Variants in MAST4 observed in about 807,000 individuals in gnomAD.
The protein encoded by MAST4 is microtubule associated serine/threonine kinase family member 4.
In MAST4, 89 loss-of-function variants were observed where a neutral mutation model predicts 162.7. The ratio of observed to expected loss-of-function variants is 0.55; its 90% confidence interval spans 0.46 to 0.65. The LOEUF is 0.65. Ranked by LOEUF, MAST4 falls within the 30% of genes least tolerant of loss-of-function variation. MAST4 has a pLI of 0.00. For synonymous variants in MAST4, 1,479 were observed against 1,361.1 expected (o/e 1.09, Z -1.91); for missense variants, 3,153 against 3,374.0 (o/e 0.93, Z 1.62).
At chr5:67,095,729 T>A in intron 7 of MAST4, 54 bp downstream of exon 7, 1 of 1,328,992 alleles carries the variant, frequency 7.5e-7, no homozygotes, top group Non-Finnish European at 1.0e-6. Context: ...ACAGAGCTAT[T>A]ACACAGGCAG....
At chr5:67,095,858 G>T (rs1196382266) in intron 7 of MAST4, among the ~76,000 whole-genome samples, 183 bp downstream of exon 7, 4 of 152,138 alleles carry the variant, frequency 2.6e-5, no homozygotes, top group African/African-American at 9.7e-5. Context: ...TACTTTCGCT[G>T]CAAGCTTTTA....
At chr5:66,840,652 G>T (rs1203725957) in intron 3 of MAST4, among the ~76,000 whole-genome samples, 1 of 152,180 alleles carries the variant, frequency 6.6e-6, no homozygotes, top group Non-Finnish European at 1.5e-5. Flanking sequence ...ATTAGTGGAT[G>T]TATCATGAGC....
intron 4 of MAST4, among the ~76,000 whole-genome samples, chr5:66,967,928 T>C (rs915121924): frequency 6.6e-6 from 1 of 152,136 alleles, no homozygotes; most frequent in Non-Finnish European, 1.5e-5. Flanking sequence ...CTTAATAAAT[T>C]GGCTACCACT....
At chr5:66,691,453 A>G (rs1749032861) in intron 1 of MAST4, among the ~76,000 whole-genome samples, 1 of 152,218 alleles carries the variant, frequency 6.6e-6, no homozygotes, top group South Asian at 2.1e-4. Context: ...ATTACAGTAA[A>G]TAAAACGGCT....
intron 1 of MAST4, among the ~76,000 whole-genome samples, chr5:66,730,749 C>T (rs926040479): frequency 1.6e-5 from 2 of 125,110 alleles, no homozygotes; most frequent in Admixed American, 1.7e-4. Flanking sequence ...TGCCTACCTA[C>T]TCTGTGTGTG....
At chr5:66,789,001 C>G (rs1010910700) in intron 3 of MAST4, among the ~76,000 whole-genome samples, 11 of 152,244 alleles carry the variant, frequency 7.2e-5, no homozygotes, top group African/African-American at 2.4e-4. Flanking sequence ...GGCCTCATCT[C>G]TACCCTTCTC....
At chr5:67,077,439 G>T (rs953609209) in intron 5 of MAST4, among the ~76,000 whole-genome samples, 1 of 152,122 alleles carries the variant, frequency 6.6e-6, no homozygotes, top group Non-Finnish European at 1.5e-5. Flanking sequence ...CCTAAGAAGC[G>T]CCTGGAGTAC....
intron 4 of MAST4, among the ~76,000 whole-genome samples, chr5:66,957,200 G>A (rs893549199): frequency 1.3e-5 from 2 of 152,060 alleles, no homozygotes; most frequent in African/African-American, 2.4e-5. Flanking sequence ...TGTGGATTTC[G>A]CTTTATTTTT....
At chr5:66,701,656 A>C (rs1001527125) in intron 1 of MAST4, among the ~76,000 whole-genome samples, 1 of 152,206 alleles carries the variant, frequency 6.6e-6, no homozygotes, top group Non-Finnish European at 1.5e-5. Flanking sequence ...CTGTAAACAC[A>C]ACATAAATCA....
At chr5:67,036,634 CA>C (rs1367578871) in intron 4 of MAST4, among the ~76,000 whole-genome samples, 1 of 152,120 alleles carries the variant, frequency 6.6e-6, no homozygotes, top group African/African-American at 2.4e-5. Flanking sequence ...GTTCCTATAA[CA>C]CCTAATGTGA....
intron 2 of MAST4, among the ~76,000 whole-genome samples, chr5:66,773,021 C>T (rs1379780785): frequency 6.6e-6 from 1 of 152,156 alleles, no homozygotes; most frequent in African/African-American, 2.4e-5. Context: ...TGGTAGGTGT[C>T]CTGTCACTCG....
rs758130257 is a variant in MAST4, at chr5:67,136,547, CTT to C, written c.2393-13_2393-12del. On this transcript the variant is annotated splice_polypyrimidine_tract_variant and intron_variant, in intron 18 of 28. Coordinates refer to ENST00000403625, the MANE Select transcript of MAST4 (RefSeq NM_001164664.2). The stretch of plus-strand genomic sequence containing the variant: ...TTGTGAACAATATGGTTATAAACAA[CTT>C]TTCTTCCTTCTAGATGAGATCAACT... 3.5e-5 allele frequency: 55 copies of C among 1,575,234 alleles called. No individual in the cohort carries two copies. In the African/African-American group the frequency reaches 7.4e-4, roughly 21 times the overall value.
intron 4 of MAST4, among the ~76,000 whole-genome samples, chr5:66,936,754 T>C (rs1199721143): frequency 6.6e-6 from 1 of 152,232 alleles, no homozygotes; most frequent in Non-Finnish European, 1.5e-5. Context: ...TGAAGTAATA[T>C]TTGTAAATGC....
intron 1 of MAST4, among the ~76,000 whole-genome samples, chr5:66,741,933 A>T (rs868649371): frequency 6.6e-6 from 1 of 152,180 alleles, no homozygotes; most frequent in South Asian, 2.1e-4. Flanking sequence ...TCCCTGTATA[A>T]GGAGAGGAAA....
intron 1 of MAST4, among the ~76,000 whole-genome samples, chr5:66,686,783 G>T (rs1748688459): frequency 6.6e-6 from 1 of 152,150 alleles, no homozygotes; most frequent in Admixed American, 6.5e-5. Flanking sequence ...GTAAGAGTTT[G>T]TGAGCTCAGA....
intron 2 of MAST4, among the ~76,000 whole-genome samples, chr5:66,769,276 G>T (rs1175174930): frequency 6.6e-6 from 1 of 152,138 alleles, no homozygotes; most frequent in Non-Finnish European, 1.5e-5. Flanking sequence ...GGCAGTTTTA[G>T]TGCCCATGGT....
In MAST4 at chr5:67,163,912, C is replaced by A; in HGVS notation, c.4733C>A (p.Pro1578Gln). 6.2e-7 allele frequency: 1 copy of A among 1,613,944 alleles called. No individual in the cohort carries two copies. Residue 1578 changes from proline to glutamine, a missense_variant, in exon 29 of 29, where the codon CCG (proline) becomes CAG (glutamine). Transcript: ENST00000403625. The surrounding 1 kb of genome is among the most constrained non-coding windows in gnomAD (Gnocchi z 7.0). ...GAAGAGAGAGAGAAGAAAGTCTATC[C>A]GAAGGCTGTGGAAAGGTCAAGTACT... The part of the protein sequence containing the change: ...KLEEREKKVY[P>Q]KAVERSSTFE...
intron 3 of MAST4, among the ~76,000 whole-genome samples, chr5:66,885,220 G>C (rs1252081506): frequency 6.6e-6 from 1 of 152,128 alleles, no homozygotes; most frequent in East Asian, 1.9e-4. Context: ...ACCAATACTT[G>C]AAATAGACTG....
chr5:66,975,491 G>C (rs548499750), intron 4 of MAST4, among the ~76,000 whole-genome samples: 5 of 152,226 alleles, frequency 3.3e-5, no homozygotes, highest in African/African-American at 1.2e-4. Context: ...TTTCACTGTG[G>C]CCCCCTGCCT....
Sources: gnomAD v4.1 joint callset for allele counts (sites outside exome capture counted in the v4.1 genomes callset) on GRCh38, gnomAD v4.1.1 for gene constraint, Gnocchi (gnomAD v3.1) non-coding constraint, MANE v1.5 for transcripts, NCBI Gene and HGNC (gene_info 2026-07-23, HGNC 2026-07-21) for gene names.